The following MACF1 variants were observed in gnomAD, a reference collection of about 807,000 sequenced individuals.
The protein encoded by MACF1 is microtubule actin crosslinking factor 1.
In MACF1, 193 loss-of-function variants were observed where a neutral mutation model predicts 854.8. The observed-to-expected ratio is 0.23, with a 90% confidence interval of 0.20 to 0.25. MACF1 has a LOEUF of 0.25. MACF1 is among the 10% of genes least tolerant of loss of function. MACF1 has a pLI of 1.00. For missense variants in MACF1, 7,722 were observed against 8,929.1 expected (o/e 0.86, Z 5.45); for synonymous variants, 3,185 against 3,226.7 (o/e 0.99, Z 0.44).
intron 99 of MACF1, 70 bp downstream of exon 99, chr1:39,481,100 T>C: frequency 1.1e-6 from 1 of 914,244 alleles, no homozygotes; most frequent in African/African-American, 1.6e-5. Flanking sequence ...TGACCAGCTC[T>C]TCTTCCTGAC....
intron 1 of MACF1, among the ~76,000 whole-genome samples, chr1:39,220,664 T>G (rs1288296781): frequency 6.6e-6 from 1 of 151,268 alleles, no homozygotes; most frequent in Non-Finnish European, 1.5e-5. Context: ...TGTCTTTTTT[T>G]GGGTAGAGTC....
intron 47 of MACF1, among the ~76,000 whole-genome samples, chr1:39,360,136 G>A (rs1648051861): frequency 1.4e-5 from 2 of 146,248 alleles, no homozygotes; most frequent in African/African-American, 5.0e-5. Context: ...ATGGCTGTGA[G>A]AGTATATTTT....
intron 58 of MACF1, chr1:39,414,504 G>A (rs765720778): frequency 6.2e-7 from 1 of 1,612,934 alleles, no homozygotes; most frequent in Non-Finnish European, 8.5e-7. Context: ...ATTCTGGGAA[G>A]GGTCTAAAGA....
At chr1:39,160,719 G>A (rs1029656447) in intron 2 of MACF1, among the ~76,000 whole-genome samples, 52 of 152,246 alleles carry the variant, frequency 3.4e-4, no homozygotes, top group Non-Finnish European at 5.9e-5. Context: ...GTTGCTATAG[G>A]TCTTAGACAA....
chr1:39,460,582 T>G lies in MACF1; in HGVS notation c.21361-50T>G, dbSNP rs768396221. The stretch of plus-strand genomic sequence containing the variant: ...AAGTTTGGGTATGCTCTGGGCAGCT[T>G]TTGAGGGCCCAAAAAATAAATCTTA... On this transcript the variant is annotated intron_variant, in intron 91 of 100. Transcript: ENST00000564288. This position sits in a 1 kb window ranked among gnomAD's most constrained non-coding sequence, Gnocchi z 4.1. The G allele has an allele frequency of 1.1e-5, 17 of 1,586,274 alleles. No homozygotes were observed. The highest frequency in any genetic ancestry group is 1.5e-5 in the Non-Finnish European group (17 of 1,156,238).
chr1:39,151,018 C>G (rs67062906), intron 2 of MACF1, among the ~76,000 whole-genome samples: 24,727 of 152,188 alleles, frequency 0.16, 2,514 homozygotes, highest in Middle Eastern at 0.22. Flanking sequence ...TCTCTGAGAG[C>G]TAGAGGACTT....
At chr1:39,223,985 G>T in intron 1 of MACF1, among the ~76,000 whole-genome samples, 1 of 152,142 alleles carries the variant, frequency 6.6e-6, no homozygotes, top group East Asian at 1.9e-4. Flanking sequence ...TAGACAAGTT[G>T]AGTTTGAGAT....
chr1:39,223,726 G>A (rs188296112), intron 1 of MACF1, among the ~76,000 whole-genome samples: 31 of 151,974 alleles, frequency 2.0e-4, no homozygotes, highest in Admixed American at 7.2e-4. Flanking sequence ...CAAGTAGGCC[G>A]GGCTGGTTTT....
intron 100 of MACF1, 173 bp downstream of exon 100, chr1:39,484,903 C>A: frequency 1.4e-6 from 1 of 716,656 alleles, no homozygotes; most frequent in Non-Finnish European, 2.4e-6. Flanking sequence ...GTCATTACAG[C>A]TAGCTTTAAG....
chr1:39,172,303 A>G (rs1317611206), intron 2 of MACF1, among the ~76,000 whole-genome samples: 1 of 152,170 alleles, frequency 6.6e-6, no homozygotes, highest in Non-Finnish European at 1.5e-5. Context: ...TGGCTGTAGG[A>G]AAGAATTGAT....
chr1:39,411,316 G>A (rs575365606), intron 58 of MACF1: 7 of 1,614,042 alleles, frequency 4.3e-6, no homozygotes, highest in East Asian at 2.2e-5. Flanking sequence ...TTTTCTGATG[G>A]CAGATGAGAA....
intron 1 of MACF1, among the ~76,000 whole-genome samples, chr1:39,222,561 C>G (rs1041800647): frequency 1.3e-5 from 2 of 152,202 alleles, no homozygotes; most frequent in Non-Finnish European, 2.9e-5. Context: ...TTCTATCACG[C>G]CTTCCATGAA....
chr1:39,152,197 T>A (rs564489479), intron 2 of MACF1, among the ~76,000 whole-genome samples: 1 of 152,182 alleles, frequency 6.6e-6, no homozygotes, highest in Non-Finnish European at 1.5e-5. Flanking sequence ...ATGGTCTGGA[T>A]CTCCTGACTT....
In MACF1 at chr1:39,332,786, T is replaced by A; in HGVS notation, c.6198T>A (p.Thr2066=). The A allele has an allele frequency of 6.2e-7, 1 of 1,614,150 alleles. No homozygotes were observed. Residue 2066 remains threonine, a synonymous_variant, in exon 37 of 101, where the codon ACT becomes ACA. Coordinates refer to ENST00000564288, the MANE Select transcript of MACF1 (RefSeq NM_001394062.1). ...DCTTEKGKKT[T]VETEDSSVEN... ...CTACAGAAAAAGGCAAAAAGACCAC[T>A]GTAGAAACAGAAGATTCTTCTGTAG...
intron 2 of MACF1, among the ~76,000 whole-genome samples, chr1:39,164,333 G>A (rs926260045): frequency 1.3e-5 from 2 of 152,184 alleles, no homozygotes; most frequent in African/African-American, 4.8e-5. Context: ...GCTACTGAGG[G>A]TAACAAGAGG....
chr1:39,225,233 G>A (rs1481088691), intron 1 of MACF1, among the ~76,000 whole-genome samples: 6 of 3,722 alleles, frequency 1.6e-3, no homozygotes, highest in Non-Finnish European at 4.2e-3. Flanking sequence ...TTTTTGAGAC[G>A]GAGTCTCGCT....
Position 39,479,781 on chromosome 1 carries a change from G to A in MACF1, c.21959-17G>A. On this transcript the variant is annotated splice_polypyrimidine_tract_variant and intron_variant, in intron 97 of 100. Coordinates refer to ENST00000564288, the MANE Select transcript of MACF1 (RefSeq NM_001394062.1). ...TTAGAAGAACTGACATTGTGTGTGT[G>A]TTTATTTCCTTTTTAGCACGAGGTA... 1 of 1,608,652 alleles carries A rather than the reference G, an allele frequency of 6.2e-7. No homozygotes were observed. The highest frequency in any genetic ancestry group is 8.5e-7 in the Non-Finnish European group (1 of 1,175,076).
At chr1:39,412,453 C>G (rs374338670) in intron 58 of MACF1, 116 of 1,614,042 alleles carry the variant, frequency 7.2e-5, no homozygotes, top group Non-Finnish European at 9.3e-5. Flanking sequence ...TCAAGCCACA[C>G]TTTTGGAGGA....
At chr1:39,371,212 A>C (rs1649199531) in intron 51 of MACF1, among the ~76,000 whole-genome samples, 1 of 151,428 alleles carries the variant, frequency 6.6e-6, no homozygotes, top group South Asian at 2.1e-4. Flanking sequence ...CCAGCTACTC[A>C]AGAGGGTGAG....
Sources: gnomAD v4.1 joint callset for allele counts (sites outside exome capture counted in the v4.1 genomes callset) on GRCh38, gnomAD v4.1.1 for gene constraint, Gnocchi (gnomAD v3.1) non-coding constraint, MANE v1.5 for transcripts, NCBI Gene and HGNC (gene_info 2026-07-23, HGNC 2026-07-21) for gene names.